The following NEXN variants were observed in gnomAD, a reference collection of about 807,000 sequenced individuals.
NEXN encodes nexilin.
Under a neutral mutation model 92.6 loss-of-function variants are expected in NEXN, and 65 were observed. The ratio of observed to expected loss-of-function variants is 0.70; its 90% confidence interval spans 0.57 to 0.86. The LOEUF (loss-of-function observed/expected upper bound fraction) is 0.86. NEXN is among the 40% of genes least tolerant of loss of function. NEXN has a pLI of 0.00. For synonymous variants in NEXN, 254 were observed against 242.5 expected, an observed-to-expected ratio of 1.05 and a Z score of -0.44; for missense variants, 778 against 771.1, an observed-to-expected ratio of 1.01 and a Z score of -0.11.
rs935328552 is a variant in NEXN, at chr1:77,935,805, TATTA to T, written c.1252-14_1252-11del. 8 of 1,603,444 alleles carry T rather than the reference TATTA, an allele frequency of 5.0e-6. No individual in the cohort carries two copies. The highest frequency in any genetic ancestry group is 1.1e-5 in the South Asian group (1 of 90,570). ...CTCTCAAAAACAGCAGCAACAAACT[TATTA>T]ATTTTTTTTGAAGGAAGAGGAAGAA... is the stretch of plus-strand genomic sequence containing the variant. On this transcript the variant is annotated splice_polypyrimidine_tract_variant and intron_variant, in intron 10 of 12. Coordinates refer to ENST00000334785, the MANE Select transcript of NEXN (RefSeq NM_144573.4).
At chr1:77,910,403 T>C (rs1000297354) in intron 1 of NEXN, among the ~76,000 whole-genome samples, 2 of 152,040 alleles carry the variant, frequency 1.3e-5, no homozygotes, top group Non-Finnish European at 2.9e-5. Flanking sequence ...ACCGATGATG[T>C]GATCATCTAT....
rs1426671676 is a variant in NEXN, at chr1:77,917,657, G to C, written c.119G>C (p.Arg40Thr). ...AAGGATAAGTTTGAAGCCATGCAGA[G>C]AGCCAGGGAAGAAAGAAATCAAAGG... ...DVKDKFEAMQ[R>T]AREERNQRRS... The change falls in exon 3 of 13, where the codon AGA (arginine) becomes ACA (threonine). Residue 40 changes from arginine to threonine, a missense_variant. Transcript: ENST00000334785. 1.2e-6 allele frequency: 2 copies of C among 1,613,198 alleles called. No homozygotes were observed. Among genetic ancestry groups the C allele is most frequent in the East Asian group, 2.2e-5 (1 of 44,786 alleles).
At chr1:77,926,654 AG>A (rs1557982007) in intron 7 of NEXN, 43 bp downstream of exon 7, 1 of 1,613,880 alleles carries the variant, frequency 6.2e-7, no homozygotes, top group South Asian at 1.1e-5. Flanking sequence ...AAATCAAGGC[AG>A]TTTAAGTTAG....
At chr1:77,924,042 C>T (rs1649652482) in intron 5 of NEXN, among the ~76,000 whole-genome samples, 1 of 152,006 alleles carries the variant, frequency 6.6e-6, no homozygotes, top group Admixed American at 6.6e-5. Flanking sequence ...GAAAACATGA[C>T]TATCAGAATT....
At chr1:77,935,432 G>A (rs1650669979) in intron 10 of NEXN, among the ~76,000 whole-genome samples, 1 of 152,130 alleles carries the variant, frequency 6.6e-6, no homozygotes, top group African/African-American at 2.4e-5. Flanking sequence ...TTTAGTTTTA[G>A]CAAGTTATCA....
At chr1:77,925,394 C>T (rs1272658547) in intron 6 of NEXN, among the ~76,000 whole-genome samples, 165 bp downstream of exon 6, 2 of 152,118 alleles carry the variant, frequency 1.3e-5, no homozygotes, top group Non-Finnish European at 2.9e-5. Context: ...TTTGCACTTT[C>T]AAACACTATA....
chr1:77,911,203 C>A (rs1244564900), intron 1 of NEXN, among the ~76,000 whole-genome samples: 1 of 152,210 alleles, frequency 6.6e-6, no homozygotes, highest in African/African-American at 2.4e-5. Context: ...AATCCAAATG[C>A]TCCAAAATCT....
At chr1:77,934,747 C>G (rs1650608316) in intron 10 of NEXN, among the ~76,000 whole-genome samples, 1 of 152,208 alleles carries the variant, frequency 6.6e-6, no homozygotes, top group South Asian at 2.1e-4. Context: ...GGGGCCAGGC[C>G]ACACACATGA....
chr1:77,942,057 G>A lies in NEXN; in HGVS notation c.1508G>A (p.Ser503Asn), dbSNP rs1368415456. 40 of 1,613,382 alleles carry A rather than the reference G, an allele frequency of 2.5e-5. No individual in the cohort carries two copies. Among genetic ancestry groups the A allele is most frequent in the Non-Finnish European group, 3.3e-5 (39 of 1,179,602 alleles). Residue 503 changes from serine (S) to asparagine (N), a missense_variant, in exon 12 of 13, where the codon AGC becomes AAC. Physicochemically the swap from Ser to Asn is conservative, Grantham distance 46 (BLOSUM62 1). Around this residue, in one of 3 missense-constraint regions of NEXN, gnomAD observed 532 missense variants for 476.7 expected, o/e 1.12. Transcript: ENST00000334785. ...GTTGATGTTAGGCCTGCAAGAAAAA[G>A]CGAGGCTCCATTTACTCACAAAGTG... ...DDVDVRPARK[S>N]EAPFTHKVNM... is the part of the protein sequence containing the mutation.
intron 1 of NEXN, among the ~76,000 whole-genome samples, chr1:77,904,630 G>C (rs1647966272): frequency 6.6e-6 from 1 of 152,176 alleles, no homozygotes; most frequent in Non-Finnish European, 1.5e-5. Flanking sequence ...TCTGGGAAGG[G>C]AGCGTAGAGT....
At chr1:77,896,271 T>C (rs1344635540) in intron 1 of NEXN, among the ~76,000 whole-genome samples, 1 of 152,128 alleles carries the variant, frequency 6.6e-6, no homozygotes, top group Non-Finnish European at 1.5e-5. Flanking sequence ...TAATTTAATC[T>C]CCAGTTAATG....
intron 9 of NEXN, 41 bp from the exon 10 acceptor site, chr1:77,933,241 T>C (rs1050594552): frequency 1.9e-5 from 23 of 1,191,076 alleles, no homozygotes; most frequent in Non-Finnish European, 2.6e-5. Context: ...TTTTAGTATG[T>C]GTAATTCTGG....
chr1:77,942,008 C>T lies in NEXN; in HGVS notation c.1474-15C>T, dbSNP rs1459942126. 6.2e-7 allele frequency: 1 copy of T among 1,609,618 alleles called. No individual in the cohort carries two copies. The highest frequency in any genetic ancestry group is 2.2e-5 in the East Asian group (1 of 44,732). On this transcript the variant is annotated splice_polypyrimidine_tract_variant and intron_variant, in intron 11 of 12. Transcript: ENST00000334785. ...GAAGGCAAGCAATTGTTAATCTTGG[C>T]CCACTTTCTTGCAGGAAGATGATGT...
chr1:77,915,561 A>G (rs903959533), intron 1 of NEXN, among the ~76,000 whole-genome samples: 1 of 152,310 alleles, frequency 6.6e-6, no homozygotes. Context: ...CCCGGGAGGC[A>G]GAGCTTGCAG....
At chr1:77,893,466 TAA>T (rs1647153168) in intron 1 of NEXN, among the ~76,000 whole-genome samples, 2 of 152,178 alleles carry the variant, frequency 1.3e-5, no homozygotes, top group Admixed American at 1.3e-4. Context: ...TAGTTTAGCA[TAA>T]ATTCACCCCA....
intron 10 of NEXN, among the ~76,000 whole-genome samples, chr1:77,933,713 T>C (rs1432124522): frequency 6.6e-6 from 1 of 152,232 alleles, no homozygotes; most frequent in Non-Finnish European, 1.5e-5. Flanking sequence ...GTGACTGAGC[T>C]ATTACTATTT....
At chr1:77,933,778 GA>G (rs1220664386) in intron 10 of NEXN, among the ~76,000 whole-genome samples, 2 of 151,952 alleles carry the variant, frequency 1.3e-5, no homozygotes, top group African/African-American at 4.8e-5. Flanking sequence ...ATTATATATA[GA>G]CTATACAGTG....
At chr1:77,907,689 T>C (rs371672168) in intron 1 of NEXN, among the ~76,000 whole-genome samples, 1 of 152,254 alleles carries the variant, frequency 6.6e-6, no homozygotes, top group African/African-American at 2.4e-5. Context: ...TATTTTATTC[T>C]AAATCTATAA....
At chr1:77,920,489 C>T (rs75307897) in intron 5 of NEXN, among the ~76,000 whole-genome samples, 4,126 of 152,020 alleles carry the variant, frequency 0.027, 99 homozygotes, top group South Asian at 0.11. Flanking sequence ...GACATGGTGA[C>T]TCATGCCTGT....
Sources: allele counts gnomAD v4.1 joint callset (sites outside exome capture counted in the v4.1 genomes callset), GRCh38; gene constraint gnomAD v4.1.1; regional missense constraint gnomAD v4.1.1; transcripts MANE v1.5; gene names NCBI Gene and HGNC (gene_info 2026-07-23, HGNC 2026-07-21).